The following BCL7B variants were observed in gnomAD, a reference collection of about 807,000 sequenced individuals.
BCL7B encodes B-cell CLL/lymphoma 7 protein family member B.
BCL7B carries 11 observed loss-of-function variants against 26.5 expected under a neutral mutation model. That is an observed-to-expected ratio of 0.42 (90% confidence interval 0.26 to 0.69). The LOEUF is 0.69. BCL7B is among the 30% of genes least tolerant of loss of function. The pLI is 0.28. For synonymous variants in BCL7B, 111 were observed against 107.9 expected, an observed-to-expected ratio of 1.03 and a Z score of -0.18; for missense variants, 215 against 264.4, an observed-to-expected ratio of 0.81 and a Z score of 1.30.
intron 2 of BCL7B, among the ~76,000 whole-genome samples, chr7:73,549,513 T>C (rs1240642778): frequency 2.4e-4 from 36 of 151,910 alleles, no homozygotes; most frequent in Admixed American, 2.3e-3. Context: ...CCACCATCTC[T>C]AAAAAAGGAA....
At chr7:73,546,339 G>A (rs963970894) in intron 2 of BCL7B, among the ~76,000 whole-genome samples, 2 of 151,990 alleles carry the variant, frequency 1.3e-5, no homozygotes, top group African/African-American at 4.8e-5. Context: ...AATTAAACAT[G>A]GATTTGCTCA....
intron 2 of BCL7B, among the ~76,000 whole-genome samples, chr7:73,548,611 T>C (rs1435047453): frequency 1.3e-5 from 2 of 151,378 alleles, no homozygotes; most frequent in Admixed American, 1.3e-4. Context: ...ATTGAAACCG[T>C]GTCTTACAAA....
intron 2 of BCL7B, among the ~76,000 whole-genome samples, chr7:73,546,165 G>GATC (rs1238842637): frequency 5.3e-4 from 80 of 151,212 alleles, no homozygotes; most frequent in African/African-American, 1.6e-3. Context: ...AAAAACTACG[G>GATC]ATCAGGCTTC....
intron 2 of BCL7B, 72 bp from the exon 3 acceptor site, chr7:73,543,716 G>C (rs1791856741): frequency 1.6e-6 from 2 of 1,227,710 alleles, no homozygotes; most frequent in South Asian, 2.4e-5. Context: ...AGGGTGCTAT[G>C]TGACAGACCA....
chr7:73,555,113 C>A (rs1338948912), intron 1 of BCL7B, among the ~76,000 whole-genome samples: 2 of 151,728 alleles, frequency 1.3e-5, no homozygotes, highest in African/African-American at 4.8e-5. Context: ...GTTAATTAGT[C>A]AAATACAGGA....
intron 1 of BCL7B, 134 bp from the exon 2 acceptor site, chr7:73,552,376 G>A: frequency 4.2e-6 from 3 of 716,380 alleles, no homozygotes; most frequent in African/African-American, 1.8e-5. Context: ...GGTGGGGTAT[G>A]GTAGCTCACA....
chr7:73,537,049 G>A lies in BCL7B; in HGVS notation c.*249C>T, dbSNP rs146117610. ...GTCACAGATGAATCTTGGGGTGGCCGATGCTCCAGCCAACTTGGGGTGCAA... is the reference window on the plus strand; with the variant it reads ...GTCACAGATGAATCTTGGGGTGGCCAATGCTCCAGCCAACTTGGGGTGCAA... On this transcript the variant is annotated 3_prime_UTR_variant, in exon 6 of 6. Transcript: ENST00000223368. 597 of 412,994 alleles carry A rather than the reference G, an allele frequency of 1.4e-3. 3 individuals carry two copies. Among genetic ancestry groups the A allele is most frequent in the African/African-American group, 0.011 (547 of 50,426 alleles). 25.6% of individuals were successfully genotyped at this position (412,994 alleles called of 1,614,324 possible). A position where few individuals can be genotyped will look rare whatever the true frequency, so the allele number is the denominator to read the frequency against.
At chr7:73,551,451 C>T (rs1196492400) in intron 2 of BCL7B, among the ~76,000 whole-genome samples, 10 of 152,158 alleles carry the variant, frequency 6.6e-5, no homozygotes, top group African/African-American at 2.2e-4. Context: ...CAGGTGCCTG[C>T]CAGCAGGCCT....
intron 1 of BCL7B, among the ~76,000 whole-genome samples, chr7:73,553,291 G>C (rs1438838502): frequency 6.6e-6 from 1 of 152,160 alleles, no homozygotes; most frequent in South Asian, 2.1e-4. Flanking sequence ...ACAATCTCAG[G>C]AGAGACACCT....
chr7:73,547,065 T>A (rs535694533), intron 2 of BCL7B, among the ~76,000 whole-genome samples: 1 of 152,116 alleles, frequency 6.6e-6, no homozygotes, highest in East Asian at 1.9e-4. Context: ...GGCAGAAGAA[T>A]CACTTGAACC....
chr7:73,548,967 A>C (rs1792060044), intron 2 of BCL7B, among the ~76,000 whole-genome samples: 1 of 152,154 alleles, frequency 6.6e-6, no homozygotes, highest in African/African-American at 2.4e-5. Context: ...AACTCCAAAA[A>C]ACAAAACTCC....
At position 73,543,610 on chromosome 7, in the gene BCL7B, C is replaced by T. The variant is rs782274895; in HGVS notation, c.203G>A (p.Arg68Gln). ...ATCAGAAGGAAAGCCATTAGGTTCT[C>T]GGGCTGCTGAACTGTTCGATTTTGA... ...EKSKSNSSAAREPNGFPSDAS... is the reference protein window; with the variant it reads ...EKSKSNSSAAQEPNGFPSDAS... Residue 68 changes from arginine (R) to glutamine (Q), a missense_variant, in exon 3 of 6, where the codon CGA becomes CAA. Coordinates refer to ENST00000223368, the MANE Select transcript of BCL7B (RefSeq NM_001707.4). The T allele has an allele frequency of 6.8e-6, 11 of 1,613,524 alleles. No individual in the cohort carries two copies. Among genetic ancestry groups the T allele is most frequent in the South Asian group, 5.5e-5 (5 of 91,046 alleles).
chr7:73,543,397 T>TG, intron 3 of BCL7B, 151 bp downstream of exon 3: 1 of 682,746 alleles, frequency 1.5e-6, no homozygotes, highest in Non-Finnish European at 2.6e-6. Flanking sequence ...AGGCTCGTCT[T>TG]GAACTCCTGA....
chr7:73,541,457 A>G (rs1008567643), intron 3 of BCL7B, among the ~76,000 whole-genome samples: 1 of 145,870 alleles, frequency 6.9e-6, no homozygotes, highest in Non-Finnish European at 1.5e-5. Flanking sequence ...GAAATGTCAT[A>G]CCCAGTACTT....
At position 73,537,361 on chromosome 7, in the gene BCL7B, G is replaced by T; in HGVS notation, c.546C>A (p.Ala182=). The part of the protein sequence containing the change: ...QVVEEEEDSG[A]PPLKRFCVDQ... ...CCACACAGAAGCGCTTCAGGGGCGG[G>T]GCACCTGAGTCTTCCTCTTCCTCAA... Residue 182 remains alanine (A), a synonymous_variant, in exon 6 of 6, where the codon GCC becomes GCA. Coordinates refer to ENST00000223368, the MANE Select transcript of BCL7B (RefSeq NM_001707.4). 1 of 1,614,062 alleles carries T rather than the reference G, an allele frequency of 6.2e-7. No individual in the cohort carries two copies. Among genetic ancestry groups the T allele is most frequent in the Non-Finnish European group, 8.5e-7 (1 of 1,179,980 alleles).
chr7:73,554,128 A>AT (rs1443788754), intron 1 of BCL7B, among the ~76,000 whole-genome samples: 7 of 151,548 alleles, frequency 4.6e-5, no homozygotes, highest in African/African-American at 1.2e-4. Context: ...CGCCCAGTTA[A>AT]TTTTTTGTAT....
At chr7:73,542,593 C>G (rs999495186) in intron 3 of BCL7B, among the ~76,000 whole-genome samples, 4 of 152,142 alleles carry the variant, frequency 2.6e-5, no homozygotes, top group Non-Finnish European at 5.9e-5. Context: ...GTTTATATCA[C>G]AGGCTGATAC....
At chr7:73,541,352 C>G (rs782117711) in intron 3 of BCL7B, among the ~76,000 whole-genome samples, 4 of 152,106 alleles carry the variant, frequency 2.6e-5, no homozygotes, top group Non-Finnish European at 4.4e-5. Flanking sequence ...TACCTCACTG[C>G]CCTGCCTCCA....
chr7:73,552,603 ACT>A (rs1347362169), intron 1 of BCL7B, among the ~76,000 whole-genome samples: 2 of 150,958 alleles, frequency 1.3e-5, no homozygotes, highest in African/African-American at 2.4e-5. Context: ...ACATGGTGAA[ACT>A]CTGTCGCTAC....
Sources: gnomAD v4.1 joint callset for allele counts (sites outside exome capture counted in the v4.1 genomes callset) on GRCh38, gnomAD v4.1.1 for gene constraint, MANE v1.5 for transcripts, NCBI Gene and HGNC (gene_info 2026-07-23, HGNC 2026-07-21) for gene names.